The following ABCA12 variants were observed in gnomAD, a reference collection of about 807,000 sequenced individuals.
ABCA12 encodes ATP binding cassette subfamily A member 12.
A neutral mutation model predicts 293.5 loss-of-function variants in ABCA12; 156 were observed. The ratio of observed to expected loss-of-function variants is 0.53; its 90% CI spans 0.47 to 0.61. ABCA12 has a LOEUF of 0.61. Ranked by LOEUF, ABCA12 falls within the 20% of genes least tolerant of loss-of-function variation. The probability of loss-of-function intolerance (pLI) is 0.00; values close to 1 mark genes in which losing one functional copy is unlikely to be tolerated. For synonymous variants in ABCA12, 1,063 were observed against 1,108.0 expected (o/e 0.96, Z 0.81); for missense variants, 2,797 against 3,090.2 (o/e 0.91, Z 2.25).
At chr2:215,061,606 G>T (rs1701529679) in intron 3 of ABCA12, among the ~76,000 whole-genome samples, 1 of 152,056 alleles carries the variant, frequency 6.6e-6, no homozygotes, top group Admixed American at 6.6e-5. Context: ...TTAATAGCAT[G>T]ATGGGAAATA....
intron 23 of ABCA12, among the ~76,000 whole-genome samples, chr2:214,992,637 G>A (rs1449665604): frequency 2.0e-5 from 3 of 149,480 alleles, no homozygotes; most frequent in East Asian, 2.0e-4. Flanking sequence ...TGAGGCAAGC[G>A]GATCACCTGA....
At chr2:215,006,865 GCCTT>G (rs1559142468) in intron 19 of ABCA12, among the ~76,000 whole-genome samples, 2 of 113,022 alleles carry the variant, frequency 1.8e-5, no homozygotes, top group African/African-American at 6.7e-5. Context: ...AGAAATTCCT[GCCTT>G]TTTTTTTTTT....
At chr2:215,043,696 T>C (rs1157530218) in intron 7 of ABCA12, among the ~76,000 whole-genome samples, 4 of 152,116 alleles carry the variant, frequency 2.6e-5, no homozygotes, top group Non-Finnish European at 5.9e-5. Context: ...TGTAAAGTGA[T>C]CATTTTAATT....
intron 11 of ABCA12, among the ~76,000 whole-genome samples, chr2:215,021,153 A>C (rs1368105049): frequency 6.6e-6 from 1 of 152,194 alleles, no homozygotes; most frequent in East Asian, 1.9e-4. Flanking sequence ...CCAGTCGACA[A>C]TTTTTAAAGG....
chr2:215,031,828 C>A lies in ABCA12; in HGVS notation c.1054G>T (p.Ala352Ser). ...DGQTLSPSSLAAQLLILENFE... is the reference protein window; with the variant it reads ...DGQTLSPSSLSAQLLILENFE... ...AAATAAACAAAGACTTACTGTGCAG[C>A]CAGACTGCTTGGAGATAAGGTCTGT... Residue 352 changes from alanine to serine, a missense_variant, in exon 9 of 53, where the codon GCT becomes TCT. Transcript: ENST00000272895. 6.2e-7 allele frequency: 1 copy of A among 1,613,938 alleles called. No homozygotes were observed. Among genetic ancestry groups the A allele is most frequent in the South Asian group, 1.1e-5 (1 of 91,074 alleles).
In ABCA12 at chr2:215,019,562, TGC is replaced by T; in HGVS notation, c.1520_1521del (p.Ser507LysfsTer3). 1 of 1,614,236 alleles carries T rather than the reference TGC, an allele frequency of 6.2e-7. No individual in the cohort carries two copies. Among genetic ancestry groups the T allele is most frequent in the Non-Finnish European group, 8.5e-7 (1 of 1,180,032 alleles). On this transcript the variant is annotated frameshift_variant, in exon 12 of 53. Coordinates refer to ENST00000272895, the MANE Select transcript of ABCA12 (RefSeq NM_173076.3). LOFTEE classifies it high-confidence loss of function. ...TACTGATCCATATTTAAATTAATTT[TGC>T]TTGGATCTCCAGTCAGCAAATCTCT... ...KVRDLLTGDP[S>X]KINLNMDQFL...
At chr2:215,130,121 C>G (rs1703021043) in intron 1 of ABCA12, among the ~76,000 whole-genome samples, 1 of 152,116 alleles carries the variant, frequency 6.6e-6, no homozygotes, top group Non-Finnish European at 1.5e-5. Flanking sequence ...GTTTTAGTTA[C>G]CATAGCCTTG....
At chr2:215,101,426 G>A (rs1417250030) in intron 2 of ABCA12, among the ~76,000 whole-genome samples, 1 of 152,096 alleles carries the variant, frequency 6.6e-6, no homozygotes, top group Non-Finnish European at 1.5e-5. Flanking sequence ...AACTCAGAAA[G>A]CCTAGGGTAA....
rs1699725594 is a variant in ABCA12, at chr2:214,983,853, A to G, written c.4176T>C (p.Thr1392=). 1.9e-6 allele frequency: 3 copies of G among 1,613,848 alleles called. No homozygotes were observed. The African/African-American group carries it at 4.0e-5, about 22-fold the overall frequency. The change falls in exon 29 of 53, where the codon ACT becomes ACC. Residue 1392 remains threonine, a synonymous_variant. Coordinates refer to ENST00000272895, the MANE Select transcript of ABCA12 (RefSeq NM_173076.3). ...AGKTTTISML[T]GLFGASAGTI... ...TGCCTGCTGAGGCCCCAAACAGCCC[A>G]GTTAACATGGAACTGGAAATGAAGA...
In ABCA12 at chr2:215,095,858, C is replaced by A. The variant is rs538487379; in HGVS notation, c.163+15739G>T. The stretch of plus-strand genomic sequence containing the variant: ...CACACCCCTGCCTGCAAAAGAACAA[C>A]CCCCTTTGACTGTAATTTTCCACTA... On this transcript the variant is annotated intron_variant, in intron 2 of 52. Transcript: ENST00000272895. 8.5e-5 allele frequency among the ~76,000 whole-genome samples: 13 copies of A among 152,252 alleles called. No homozygotes were observed. The South Asian group carries it at 2.1e-3, about 24-fold the overall frequency.
At chr2:215,127,129 A>G (rs186968899) in intron 1 of ABCA12, among the ~76,000 whole-genome samples, 180 of 152,228 alleles carry the variant, frequency 1.2e-3, no homozygotes, top group Middle Eastern at 6.8e-3. Context: ...GTTCATTTCC[A>G]GTTTGATTCC....
At chr2:214,934,056 T>C (rs1347341349) in intron 52 of ABCA12, 22 bp downstream of exon 52, 1 of 1,610,098 alleles carries the variant, frequency 6.2e-7, no homozygotes, top group South Asian at 1.1e-5. Flanking sequence ...GTTGTGCACA[T>C]GGATCGTGGT....
chr2:214,934,023 GAATAAT>G, intron 52 of ABCA12, 49 bp downstream of exon 52: 1 of 1,550,232 alleles, frequency 6.5e-7, no homozygotes, highest in Non-Finnish European at 8.9e-7. Context: ...TAACCAGAAT[GAATAAT>G]AATATTAATA....
chr2:215,023,644 CAG>C (rs960511409), intron 11 of ABCA12: 7 of 152,312 alleles, frequency 4.6e-5, no homozygotes, highest in Non-Finnish European at 8.8e-5. Flanking sequence ...ATTACATTCT[CAG>C]TGCTCTACTT....
At chr2:215,102,028 C>T (rs79233815) in intron 2 of ABCA12, among the ~76,000 whole-genome samples, 16 of 149,988 alleles carry the variant, frequency 1.1e-4, no homozygotes, top group East Asian at 5.9e-4. Flanking sequence ...TGTTTGTACA[C>T]GTGTGTGTGT....
At chr2:214,948,963 C>T in intron 46 of ABCA12, 77 bp downstream of exon 46, 2 of 1,348,014 alleles carry the variant, frequency 1.5e-6, no homozygotes. Context: ...CACAAAATAA[C>T]ATTAAATGTT....
At chr2:215,105,617 A>G (rs1455579834) in intron 2 of ABCA12, among the ~76,000 whole-genome samples, 5 of 151,798 alleles carry the variant, frequency 3.3e-5, no homozygotes, top group Non-Finnish European at 5.9e-5. Context: ...ACACACACAC[A>G]CACACGCACT....
chr2:214,944,935 A>G (rs1698534505), intron 49 of ABCA12, 66 bp downstream of exon 49: 1 of 1,254,068 alleles, frequency 8.0e-7, no homozygotes, highest in Non-Finnish European at 1.2e-6. Flanking sequence ...GTTATACAGG[A>G]TTACCTTTTC....
intron 1 of ABCA12, among the ~76,000 whole-genome samples, chr2:215,134,955 A>T (rs899544028): frequency 5.3e-5 from 7 of 132,862 alleles, no homozygotes; most frequent in African/African-American, 2.1e-4. Flanking sequence ...ATATACTTTA[A>T]AAAAAAATTA....
Sources: allele counts gnomAD v4.1 joint callset (sites outside exome capture counted in the v4.1 genomes callset), GRCh38; gene constraint gnomAD v4.1.1; transcripts MANE v1.5; gene names NCBI Gene and HGNC (gene_info 2026-07-23, HGNC 2026-07-21).